Variants in AOPEP observed in about 807,000 individuals in gnomAD.
The protein encoded by AOPEP is aminopeptidase O (putative).
AOPEP carries 77 observed loss-of-function variants against 98.1 expected under a neutral mutation model. The ratio of observed to expected loss-of-function variants is 0.78; its 90% CI spans 0.65 to 0.95. The LOEUF (loss-of-function observed/expected upper bound fraction) is 0.95. Among genes scored for constraint, AOPEP ranks in the 40% least tolerant of loss-of-function variants. The pLI, the probability that AOPEP is intolerant of heterozygous loss-of-function variation, is 0.00. For missense variants in AOPEP, 1,024 were observed against 1,024.7 expected, an observed-to-expected ratio of 1.00 and a Z score of 0.01; for synonymous variants, 346 against 365.3, an observed-to-expected ratio of 0.95 and a Z score of 0.60.
chr9:95,137,794 C>T, the AOPEP span, among the ~76,000 whole-genome samples: 2 of 152,172 alleles, frequency 1.3e-5, no homozygotes, highest in African/African-American at 4.8e-5. Context: ...CTGCAGATGG[C>T]AGGAGGCACA....
the AOPEP span, chr9:95,150,100 TAAG>T: frequency 3.1e-6 from 5 of 1,613,636 alleles, no homozygotes; most frequent in Admixed American, 3.3e-5. Context: ...ATGGAAGAAA[TAAG>T]AAATAATCAC....
chr9:95,081,231 C>T (rs1466803232), intron 15 of AOPEP, among the ~76,000 whole-genome samples: 1 of 152,228 alleles, frequency 6.6e-6, no homozygotes, highest in Non-Finnish European at 1.5e-5. Flanking sequence ...GAGAGCTTTT[C>T]TCACTGTTCA....
chr9:94,833,232 G>A (rs1406437241), intron 5 of AOPEP, among the ~76,000 whole-genome samples: 4 of 79,298 alleles, frequency 5.0e-5, no homozygotes, highest in South Asian at 4.6e-4. Context: ...CACCACACCC[G>A]TCCTTTTTTT....
intron 11 of AOPEP, among the ~76,000 whole-genome samples, chr9:94,983,050 C>G (rs1426234729): frequency 6.6e-6 from 1 of 151,896 alleles, no homozygotes; most frequent in Admixed American, 6.6e-5. Context: ...TTTTTTGAGA[C>G]AGAGTCTCGC....
intron 13 of AOPEP, among the ~76,000 whole-genome samples, chr9:95,015,116 G>T (rs1327171625): frequency 6.6e-6 from 1 of 152,164 alleles, no homozygotes; most frequent in Non-Finnish European, 1.5e-5. Context: ...GAGTTTCCAT[G>T]CCTGGTCTTT....
intron 13 of AOPEP, among the ~76,000 whole-genome samples, chr9:95,013,274 A>G (rs1187266285): frequency 1.3e-5 from 2 of 151,748 alleles, no homozygotes; most frequent in East Asian, 1.9e-4. Context: ...TTTTGTTTTA[A>G]TGGTTACTTT....
the AOPEP span, among the ~76,000 whole-genome samples, chr9:95,146,204 G>A: frequency 6.6e-6 from 1 of 151,914 alleles, no homozygotes; most frequent in Non-Finnish European, 1.5e-5. Context: ...ATAAAGAATT[G>A]GGCCTGTCAC....
the AOPEP span, chr9:95,110,739 A>G: frequency 9.1e-7 from 1 of 1,096,188 alleles, no homozygotes; most frequent in African/African-American, 1.6e-5. Flanking sequence ...TAAGATCAGC[A>G]TAGAGCACTG....
chr9:95,082,560 C>G lies in AOPEP; in HGVS notation c.2320-15C>G, dbSNP rs1289948725. Reference sequence around the variant, plus strand: ...ACACCTTCGCCTGATGCCCTTTGGCCTCTGTGCCCTGCAGGCCATGGGTGT... The same window carrying G: ...ACACCTTCGCCTGATGCCCTTTGGCGTCTGTGCCCTGCAGGCCATGGGTGT... On this transcript the variant is annotated splice_polypyrimidine_tract_variant and intron_variant, in intron 15 of 16. Coordinates refer to ENST00000375315, the MANE Select transcript of AOPEP (RefSeq NM_001193329.3). The G allele has an allele frequency of 6.2e-7, 1 of 1,613,726 alleles. No individual in the cohort carries two copies. The highest frequency in any genetic ancestry group is 1.7e-5 in the Admixed American group (1 of 60,016).
intron 5 of AOPEP, among the ~76,000 whole-genome samples, chr9:94,884,744 G>T (rs2047991056): frequency 6.6e-6 from 1 of 152,052 alleles, no homozygotes; most frequent in Non-Finnish European, 1.5e-5. Flanking sequence ...GGGCGCGGTG[G>T]CTCACGCCTG....
At chr9:94,959,998 T>C (rs190289056) in intron 9 of AOPEP, among the ~76,000 whole-genome samples, 3 of 152,350 alleles carry the variant, frequency 2.0e-5, no homozygotes, top group Non-Finnish European at 4.4e-5. Context: ...GATTATTTTC[T>C]AAAAGAATTT....
chr9:94,999,855 T>A (rs1431745413), intron 11 of AOPEP, among the ~76,000 whole-genome samples: 3 of 152,134 alleles, frequency 2.0e-5, no homozygotes, highest in Non-Finnish European at 4.4e-5. Flanking sequence ...GATAGCACCA[T>A]TAGCCTTCAT....
At chr9:95,112,775 G>A in the AOPEP span, among the ~76,000 whole-genome samples, 6 of 152,218 alleles carry the variant, frequency 3.9e-5, no homozygotes, top group Admixed American at 1.3e-4. Flanking sequence ...GAATGCACAA[G>A]CAGTCCCATG....
At chr9:94,891,529 A>AT (rs1296893103) in intron 5 of AOPEP, among the ~76,000 whole-genome samples, 2 of 151,978 alleles carry the variant, frequency 1.3e-5, no homozygotes, top group East Asian at 1.9e-4. Flanking sequence ...CATTTTACAG[A>AT]TTTTTTTAGT....
At chr9:95,055,913 A>G (rs937244707) in intron 13 of AOPEP, among the ~76,000 whole-genome samples, 1 of 152,006 alleles carries the variant, frequency 6.6e-6, no homozygotes, top group Non-Finnish European at 1.5e-5. Context: ...TTCCATGTAA[A>G]CAGTTCCCTG....
At chr9:95,108,172 A>T in the AOPEP span, among the ~76,000 whole-genome samples, 1 of 152,206 alleles carries the variant, frequency 6.6e-6, no homozygotes, top group Non-Finnish European at 1.5e-5. Flanking sequence ...GCCTCATTCA[A>T]TGAAGTCTGT....
At chr9:94,801,038 A>G (rs779215055) in intron 5 of AOPEP, 36 bp downstream of exon 5, 11 of 1,608,884 alleles carry the variant, frequency 6.8e-6, no homozygotes, top group Non-Finnish European at 8.5e-6. Context: ...GGGTACATAC[A>G]TTTTGGAAAT....
At chr9:95,110,753 G>GT in the AOPEP span, 1 of 1,099,520 alleles carries the variant, frequency 9.1e-7, no homozygotes, top group African/African-American at 1.6e-5. Context: ...AGCACTGGCA[G>GT]TTGAAGTTTT....
Position 94,847,152 on chromosome 9 carries a change from A to ACACACACT in AOPEP, c.1364+46151_1364+46152insACACACTC, listed in dbSNP as rs1448564968. 7.4e-3 allele frequency among the ~76,000 whole-genome samples: 1,041 copies of ACACACACT among 140,554 alleles called. 9 individuals carry two copies. The highest frequency in any genetic ancestry group is 0.025 in the African/African-American group (935 of 38,034). The allele number at this position is 140,554 out of a possible 152,430, so 92.2% of individuals were successfully genotyped here. A position where few individuals can be genotyped will look rare whatever the true frequency, so the allele number is the denominator to read the frequency against. ...TACACACACACACACACACACACAC[A>ACACACACT]CTCTCTCTGTCTCTCTCTCTCTCTC... On this transcript the variant is annotated intron_variant, in intron 5 of 16. Coordinates refer to ENST00000375315, the MANE Select transcript of AOPEP (RefSeq NM_001193329.3).
Sources: allele counts gnomAD v4.1 joint callset (sites outside exome capture counted in the v4.1 genomes callset), GRCh38; gene constraint gnomAD v4.1.1; transcripts MANE v1.5; gene names NCBI Gene and HGNC (gene_info 2026-07-23, HGNC 2026-07-21).